Variants in TRPM4 observed in about 807,000 individuals in gnomAD.
TRPM4 encodes transient receptor potential cation channel subfamily M member 4, also known as calcium-activated non-selective cation channel 1.
TRPM4 carries 124 observed loss-of-function variants against 135.6 expected under a neutral mutation model. That is an observed-to-expected ratio of 0.91 (90% CI 0.79 to 1.06). TRPM4 has a LOEUF of 1.06. Among genes scored for constraint, TRPM4 ranks in the 50% least tolerant of loss-of-function variants. TRPM4 has a pLI of 0.00. For synonymous variants in TRPM4, 745 were observed against 705.6 expected, an observed-to-expected ratio of 1.06 and a Z score of -0.88; for missense variants, 1,658 against 1,671.4, an observed-to-expected ratio of 0.99 and a Z score of 0.14.
chr19:49,205,998 T>A (rs1600531993), intron 20 of TRPM4, among the ~76,000 whole-genome samples: 1 of 152,182 alleles, frequency 6.6e-6, no homozygotes, highest in East Asian at 1.9e-4. Context: ...CTCGCTCTTG[T>A]CACCCAGGCG....
At chr19:49,172,539 TTCAG>T (rs1967504523) in intron 9 of TRPM4, among the ~76,000 whole-genome samples, 1 of 148,470 alleles carries the variant, frequency 6.7e-6, no homozygotes, top group African/African-American at 2.5e-5. Flanking sequence ...GACAATTCCA[TTCAG>T]TCATTCTTCC....
intron 19 of TRPM4, 47 bp downstream of exon 19, chr19:49,200,832 C>A: frequency 6.3e-7 from 1 of 1,598,414 alleles, no homozygotes. Context: ...TCTCTGTCCC[C>A]GCTCCCTGGG....
chr19:49,190,432 AGGAATGG>A (rs1455043702), intron 15 of TRPM4, 112 bp downstream of exon 15: 3 of 1,017,492 alleles, frequency 2.9e-6, no homozygotes, highest in Non-Finnish European at 4.5e-6. Flanking sequence ...TCCCTTCCCT[AGGAATGG>A]GACTCTCTGT....
In TRPM4 at chr19:49,200,737, C is replaced by T. The variant is rs747301382; in HGVS notation, c.2905C>T (p.Arg969Cys). ...AAGTATCCTGCGCCGCGTCTTCTAC[C>T]GTCCCTACCTGCAGATCTTCGGGCA... ...FPSILRRVFYRPYLQIFGQIP... is the reference protein window; with the variant it reads ...FPSILRRVFYCPYLQIFGQIP... The change falls in exon 19 of 25, where the codon CGT (arginine) becomes TGT (cysteine). Residue 969 changes from arginine to cysteine, a missense_variant. Arg to Cys is a radical substitution (Grantham distance 180). Around this residue, in one of 3 missense-constraint regions of TRPM4, gnomAD observed 1,412 missense variants for 1,408.7 expected, o/e 1.00. Transcript: ENST00000252826. 4 of 1,614,110 alleles carry T rather than the reference C, an allele frequency of 2.5e-6. No homozygotes were observed. The highest frequency in any genetic ancestry group is 2.2e-5 in the South Asian group (2 of 91,074).
rs1455410186 is a variant in TRPM4, at chr19:49,196,632, G to T, written c.2403G>T (p.Leu801=). Residue 801 remains leucine, a synonymous_variant, in exon 17 of 25, where the codon CTG becomes CTT. Coordinates refer to ENST00000252826, the MANE Select transcript of TRPM4 (RefSeq NM_017636.4). The part of the protein sequence containing the change: ...LLFLLLFSRV[L]LVDFQPAPPG... ...TCCTGCTGCTTTTCTCGCGGGTGCTGCTCGTGGATTTCCAGCCGGCGCCGC... is the reference window on the plus strand; with the variant it reads ...TCCTGCTGCTTTTCTCGCGGGTGCTTCTCGTGGATTTCCAGCCGGCGCCGC... 1.9e-6 allele frequency: 3 copies of T among 1,551,392 alleles called. No individual in the cohort carries two copies. The African/African-American group carries it at 4.1e-5, about 21-fold the overall frequency.
intron 12 of TRPM4, among the ~76,000 whole-genome samples, chr19:49,185,831 A>C (rs1222441407): frequency 6.6e-6 from 1 of 151,372 alleles, no homozygotes; most frequent in Non-Finnish European, 1.5e-5. Context: ...GCTCACTGCA[A>C]GCTCCACCTC....
At chr19:49,194,154 A>C (rs1338246583) in intron 16 of TRPM4, among the ~76,000 whole-genome samples, 325 of 48,974 alleles carry the variant, frequency 6.6e-3, no homozygotes, top group Non-Finnish European at 7.6e-3. Context: ...CCTCCTCTTC[A>C]TCCTCCTCCT....
At chr19:49,190,923 T>C (rs1243331454) in intron 16 of TRPM4, 150 bp downstream of exon 16, 1 of 657,730 alleles carries the variant, frequency 1.5e-6, no homozygotes. Flanking sequence ...GAGGTTTCAT[T>C]GGCTCATGGT....
chr19:49,183,074 G>T lies in TRPM4; in HGVS notation c.1609-4G>T. The T allele has an allele frequency of 6.2e-7, 1 of 1,611,708 alleles. No homozygotes were observed. Among genetic ancestry groups the T allele is most frequent in the South Asian group, 1.1e-5 (1 of 90,992 alleles). ...GTCCTCACCACCCCTCCTTTTGCTG[G>T]CAGATGTATCTGCTCTCGGACAAGG... is the stretch of plus-strand genomic sequence containing the variant. On this transcript the variant is annotated splice_region_variant and splice_polypyrimidine_tract_variant and intron_variant, in intron 11 of 24. Transcript: ENST00000252826.
intron 2 of TRPM4, among the ~76,000 whole-genome samples, chr19:49,161,897 T>G (rs1966981892): frequency 6.6e-6 from 1 of 152,188 alleles, no homozygotes; most frequent in African/African-American, 2.4e-5. Flanking sequence ...CCCAACGTGC[T>G]GGGATTACAG....
intron 14 of TRPM4, 150 bp from the exon 15 acceptor site, chr19:49,190,058 C>G (rs1968351612): frequency 2.7e-6 from 2 of 736,360 alleles, no homozygotes; most frequent in South Asian, 3.1e-5. Flanking sequence ...TTGTCTTTGC[C>G]TTTCACCACC....
At position 49,172,521 on chromosome 19, in the gene TRPM4, C is replaced by T. The variant is rs868780828; in HGVS notation, c.1150+413C>T. On this transcript the variant is annotated intron_variant, in intron 9 of 24. Coordinates refer to ENST00000252826, the MANE Select transcript of TRPM4 (RefSeq NM_017636.4). ...CCGTCTTCTCACCTGTCCATCCACA[C>T]ATCCACTGACAATTCCATTCAGTCA... 2.2e-4 allele frequency among the ~76,000 whole-genome samples: 34 copies of T among 151,940 alleles called. No individual in the cohort carries two copies. In the Middle Eastern group the frequency reaches 0.01, roughly 46 times the overall value.
At chr19:49,195,457 G>T (rs1207810502) in intron 16 of TRPM4, among the ~76,000 whole-genome samples, 1 of 152,054 alleles carries the variant, frequency 6.6e-6, no homozygotes, top group Admixed American at 6.6e-5. Flanking sequence ...CACAACCTCC[G>T]CCTCCCGGGT....
chr19:49,161,761 C>G (rs1028227463), intron 2 of TRPM4, among the ~76,000 whole-genome samples: 6 of 152,174 alleles, frequency 3.9e-5, no homozygotes, highest in South Asian at 2.1e-4. Flanking sequence ...CCCCGAGTAG[C>G]TGGGATTACA....
chr19:49,188,381 A>C (rs144181262), intron 12 of TRPM4, among the ~76,000 whole-genome samples: 4 of 152,112 alleles, frequency 2.6e-5, no homozygotes, highest in Non-Finnish European at 5.9e-5. Flanking sequence ...CTGCTTCTTG[A>C]CCTGTCTGTG....
rs140130182 is a variant in TRPM4, at chr19:49,182,197, CATCCATCT to C, written c.1264-379_1264-372del. ...CTACCTATCCATTCATCCATACATC[CATCCATCT>C]ACCTATCCATTCATCCATCCATCCA... On this transcript the variant is annotated intron_variant, in intron 10 of 24. Coordinates refer to ENST00000252826, the MANE Select transcript of TRPM4 (RefSeq NM_017636.4). 6.8e-3 allele frequency among the ~76,000 whole-genome samples: 492 copies of C among 72,394 alleles called. 1 individual carries two copies. Among genetic ancestry groups the C allele is most frequent in the Middle Eastern group, 0.017 (2 of 116 alleles). 47.5% of individuals were successfully genotyped at this position (72,394 alleles called of 152,430 possible). A position where few individuals can be genotyped will look rare whatever the true frequency, so the allele number is the denominator to read the frequency against.
In TRPM4 at chr19:49,210,390, G is replaced by C. The variant is rs764585868; in HGVS notation, c.3313G>C (p.Ala1105Pro). The C allele has an allele frequency of 1.2e-6, 2 of 1,613,718 alleles. No homozygotes were observed. Among genetic ancestry groups the C allele is most frequent in the Non-Finnish European group, 1.7e-6 (2 of 1,180,030 alleles). Reference protein sequence around the residue: ...RPRSPQPSSPALEHFRVYLSK... With the variant: ...RPRSPQPSSPPLEHFRVYLSK... ...CCGGAGCCCCCAGCCGTCCTCCCCG[G>C]CCCTCGAGCATTTCCGTAAGAACAG... Residue 1105 changes from alanine (A) to proline (P), a missense_variant, in exon 21 of 25, where the codon GCC becomes CCC. This residue lies in a region of TRPM4 where 1,412 missense variants were observed against 1,408.7 expected (regional missense o/e 1.00). Coordinates refer to ENST00000252826, the MANE Select transcript of TRPM4 (RefSeq NM_017636.4). This position sits in a 1 kb window ranked among gnomAD's most constrained non-coding sequence, Gnocchi z 4.1.
chr19:49,158,337 C>A, intron 2 of TRPM4, 78 bp downstream of exon 2: 1 of 1,290,066 alleles, frequency 7.8e-7, no homozygotes, highest in Non-Finnish European at 1.1e-6. Context: ...ACGCCCCAGC[C>A]CTGCTCCTTC....
intron 17 of TRPM4, among the ~76,000 whole-genome samples, chr19:49,197,297 T>C (rs987971663): frequency 4.9e-5 from 6 of 121,786 alleles, no homozygotes; most frequent in Non-Finnish European, 1.0e-4. Context: ...TCTTTCTTTC[T>C]CTTTCTTTCT....
Sources: gnomAD v4.1 joint callset for allele counts (sites outside exome capture counted in the v4.1 genomes callset) on GRCh38, gnomAD v4.1.1 for gene constraint, gnomAD v4.1.1 regional missense constraint, Gnocchi (gnomAD v3.1) non-coding constraint, MANE v1.5 for transcripts, NCBI Gene and HGNC (gene_info 2026-07-23, HGNC 2026-07-21) for gene names.